The following TAFA1 variants were observed in gnomAD, a reference collection of about 807,000 sequenced individuals.
TAFA1 encodes chemokine-like protein TAFA-1.
In TAFA1, 4 loss-of-function variants were observed where a neutral mutation model predicts 18.5. The observed-to-expected ratio is 0.22, with a 90% CI of 0.11 to 0.49. The LOEUF is 0.49. TAFA1 is among the 20% of genes least tolerant of loss of function. TAFA1 has a pLI of 0.98. For missense variants in TAFA1, 147 were observed against 169.0 expected, an observed-to-expected ratio of 0.87 and a Z score of 0.72; for synonymous variants, 56 against 55.2, an observed-to-expected ratio of 1.01 and a Z score of -0.06.
intron 2 of TAFA1, among the ~76,000 whole-genome samples, chr3:68,250,203 C>G (rs2067166068): frequency 6.6e-6 from 1 of 152,120 alleles, no homozygotes; most frequent in African/African-American, 2.4e-5. Context: ...CTGGGCAAAA[C>G]TGGCTCTCTA....
the TAFA1 span, among the ~76,000 whole-genome samples, chr3:67,995,632 T>G: frequency 4.6e-5 from 7 of 152,026 alleles, no homozygotes; most frequent in Non-Finnish European, 8.8e-5. Flanking sequence ...AATGTGAGGG[T>G]GGAAACCAAG....
chr3:68,480,622 C>T (rs1173399596), intron 3 of TAFA1, among the ~76,000 whole-genome samples: 1 of 152,120 alleles, frequency 6.6e-6, no homozygotes, highest in Non-Finnish European at 1.5e-5. Flanking sequence ...CCCTAGGTGT[C>T]TGTTTCCTTC....
chr3:68,000,178 CATTT>C (rs1175994658), upstream of TAFA1, among the ~76,000 whole-genome samples: 1 of 152,154 alleles, frequency 6.6e-6, no homozygotes, highest in Non-Finnish European at 1.5e-5. Context: ...TATTATTATT[CATTT>C]AGTCATTCAA....
intron 2 of TAFA1, among the ~76,000 whole-genome samples, chr3:68,329,650 C>A (rs1057349406): frequency 6.6e-6 from 1 of 152,116 alleles, no homozygotes; most frequent in South Asian, 2.1e-4. Flanking sequence ...TGACCATTGG[C>A]TTTCTACAAG....
chr3:68,092,113 A>G (rs2065036846), intron 2 of TAFA1, among the ~76,000 whole-genome samples: 1 of 152,156 alleles, frequency 6.6e-6, no homozygotes, highest in Non-Finnish European at 1.5e-5. Context: ...AACTCACCTC[A>G]GTCCCAATGG....
intron 3 of TAFA1, among the ~76,000 whole-genome samples, chr3:68,477,287 G>A (rs1273822693): frequency 6.6e-6 from 1 of 151,950 alleles, no homozygotes; most frequent in African/African-American, 2.4e-5. Flanking sequence ...GAATTCCACA[G>A]AATGAGTGTA....
chr3:68,145,966 A>G (rs906129429), intron 2 of TAFA1, among the ~76,000 whole-genome samples: 7 of 152,264 alleles, frequency 4.6e-5, no homozygotes, highest in African/African-American at 1.7e-4. Flanking sequence ...CATGTTCTCT[A>G]TCACTGCCCT....
upstream of TAFA1, among the ~76,000 whole-genome samples, chr3:68,000,818 A>C (rs1704275276): frequency 6.6e-6 from 1 of 152,160 alleles, no homozygotes; most frequent in African/African-American, 2.4e-5. Context: ...CATAAACAGG[A>C]AGTAGAATTA....
chr3:68,455,246 CAG>C (rs1575882310), intron 3 of TAFA1, among the ~76,000 whole-genome samples: 1 of 151,892 alleles, frequency 6.6e-6, no homozygotes, highest in African/African-American at 2.4e-5. Flanking sequence ...CTTGCTGTCT[CAG>C]GGGTAGAAAA....
intron 2 of TAFA1, among the ~76,000 whole-genome samples, chr3:68,065,755 T>C (rs1446710198): frequency 1.4e-5 from 2 of 147,062 alleles, no homozygotes; most frequent in Non-Finnish European, 3.0e-5. Context: ...TATATATATA[T>C]ATATATATAT....
At chr3:68,459,014 G>A (rs1452145582) in intron 3 of TAFA1, among the ~76,000 whole-genome samples, 1 of 152,196 alleles carries the variant, frequency 6.6e-6, no homozygotes, top group Non-Finnish European at 1.5e-5. Flanking sequence ...TTGTGGTACA[G>A]TCATTGCAAA....
chr3:68,190,494 T>A (rs2066323879), intron 2 of TAFA1, among the ~76,000 whole-genome samples: 1 of 151,906 alleles, frequency 6.6e-6, no homozygotes, highest in Non-Finnish European at 1.5e-5. Flanking sequence ...CATTGCTCTG[T>A]TTCTGACAAT....
intron 2 of TAFA1, among the ~76,000 whole-genome samples, chr3:68,121,418 C>T (rs999708115): frequency 6.6e-6 from 1 of 152,078 alleles, no homozygotes; most frequent in African/African-American, 2.4e-5. Context: ...TGGCAGAACT[C>T]ATTATTCTGT....
chr3:68,055,985 T>C (rs755698553), intron 2 of TAFA1, among the ~76,000 whole-genome samples: 3 of 152,134 alleles, frequency 2.0e-5, no homozygotes, highest in African/African-American at 7.2e-5. Context: ...TTCAGCTCAC[T>C]TGAGCCTGTC....
At chr3:68,025,004 G>A (rs1016858600) in intron 2 of TAFA1, among the ~76,000 whole-genome samples, 2 of 152,012 alleles carry the variant, frequency 1.3e-5, no homozygotes, top group African/African-American at 4.8e-5. Context: ...TTGTTTTGGG[G>A]CATACTGAAA....
At chr3:68,416,642 C>G (rs1428635893) in intron 2 of TAFA1, among the ~76,000 whole-genome samples, 1 of 152,172 alleles carries the variant, frequency 6.6e-6, no homozygotes, top group East Asian at 1.9e-4. Context: ...CCAATAAATT[C>G]TGATGAATGC....
At chr3:68,473,530 G>T (rs1439509873) in intron 3 of TAFA1, among the ~76,000 whole-genome samples, 2 of 152,024 alleles carry the variant, frequency 1.3e-5, no homozygotes, top group Non-Finnish European at 2.9e-5. Flanking sequence ...CTTACTAGCA[G>T]GTAGCATTAT....
chr3:68,355,567 C>A (rs2069345013), intron 2 of TAFA1, among the ~76,000 whole-genome samples: 1 of 151,938 alleles, frequency 6.6e-6, no homozygotes, highest in Non-Finnish European at 1.5e-5. Context: ...TATAGCATCA[C>A]CCCAGTGTTT....
At chr3:68,291,687 C>A (rs1261294161) in intron 2 of TAFA1, among the ~76,000 whole-genome samples, 3 of 144,134 alleles carry the variant, frequency 2.1e-5, no homozygotes, top group Admixed American at 6.9e-5. Flanking sequence ...AATGTTCATT[C>A]CCCACAAAAA....
Sources: gnomAD v4.1 joint callset for allele counts (sites outside exome capture counted in the v4.1 genomes callset) on GRCh38, gnomAD v4.1.1 for gene constraint, MANE v1.5 for transcripts, NCBI Gene and HGNC (gene_info 2026-07-23, HGNC 2026-07-21) for gene names.